The following MLIP variants were observed in gnomAD, a reference collection of about 807,000 sequenced individuals.
MLIP encodes muscular LMNA interacting protein.
MLIP carries 79 observed loss-of-function variants against 84.8 expected under a neutral mutation model. That is an observed-to-expected ratio of 0.93 (90% CI 0.78 to 1.12). The LOEUF is 1.12. Among genes scored for constraint, MLIP ranks in the 50% most tolerant of loss-of-function variants. The pLI is 0.00. For synonymous variants in MLIP, 504 were observed against 463.0 expected, an observed-to-expected ratio of 1.09 and a Z score of -1.14; for missense variants, 1,257 against 1,160.6, an observed-to-expected ratio of 1.08 and a Z score of -1.21.
chr6:54,147,518 G>A (rs750614726), intron 4 of MLIP, among the ~76,000 whole-genome samples: 1 of 152,128 alleles, frequency 6.6e-6, no homozygotes, highest in Non-Finnish European at 1.5e-5. Flanking sequence ...AGATGGGAGT[G>A]TAGGTTCCTT....
At chr6:54,252,476 A>T (rs1483742017) in intron 12 of MLIP, among the ~76,000 whole-genome samples, 2 of 139,236 alleles carry the variant, frequency 1.4e-5, no homozygotes, top group Non-Finnish European at 3.0e-5. Flanking sequence ...ATATAAATAT[A>T]ATATATTATA....
In MLIP at chr6:54,068,880, G is replaced by A. The variant is rs1766338836; in HGVS notation, c.63+49789G>A. 2.0e-5 allele frequency among the ~76,000 whole-genome samples: 2 copies of A among 100,680 alleles called. 1 individual carries two copies. The highest frequency in any genetic ancestry group is 5.7e-5 in the Non-Finnish European group (2 of 34,948). 66.0% of individuals were successfully genotyped at this position (100,680 alleles called of 152,430 possible). On this transcript the variant is annotated intron_variant, in intron 1 of 12. Transcript: ENST00000274897. ...TGGATCTGGCTTTTTCCAGAGCTCTGCTACCCTCCACTGTCTATGTCTGTG... is the reference window on the plus strand; with the variant it reads ...TGGATCTGGCTTTTTCCAGAGCTCTACTACCCTCCACTGTCTATGTCTGTG...
At chr6:54,098,236 G>GCCTTGGA (rs1279859369) in intron 1 of MLIP, among the ~76,000 whole-genome samples, 1 of 148,330 alleles carries the variant, frequency 6.7e-6, no homozygotes, top group East Asian at 2.0e-4. Flanking sequence ...GCTCACTGCA[G>GCCTTGGA]CCTTGGACTT....
chr6:54,195,782 A>G (rs1164661580), intron 10 of MLIP, among the ~76,000 whole-genome samples: 1 of 152,106 alleles, frequency 6.6e-6, no homozygotes, highest in Non-Finnish European at 1.5e-5. Context: ...TAATGTTAGC[A>G]TCAGATATAA....
At chr6:54,094,305 A>G (rs912306244) in intron 1 of MLIP, among the ~76,000 whole-genome samples, 2 of 151,962 alleles carry the variant, frequency 1.3e-5, no homozygotes, top group African/African-American at 4.8e-5. Flanking sequence ...GAAGCTCTAC[A>G]TATTGAGGCT....
At chr6:54,198,704 T>A (rs1314405670) in intron 10 of MLIP, among the ~76,000 whole-genome samples, 2 of 152,190 alleles carry the variant, frequency 1.3e-5, no homozygotes, top group Admixed American at 6.6e-5. Flanking sequence ...GTAATACAGT[T>A]TATTAACAAC....
At chr6:54,126,842 T>G (rs752998937) in intron 3 of MLIP, among the ~76,000 whole-genome samples, 2 of 151,964 alleles carry the variant, frequency 1.3e-5, no homozygotes, top group Non-Finnish European at 2.9e-5. Flanking sequence ...AATGAATCCA[T>G]ATATAGAATT....
intron 11 of MLIP, among the ~76,000 whole-genome samples, chr6:54,211,215 GACTCT>G: frequency 6.6e-6 from 1 of 152,284 alleles, no homozygotes; most frequent in Non-Finnish European, 1.5e-5. Context: ...AACAGAGTGA[GACTCT>G]GTACCGAAAA....
chr6:54,091,847 A>G (rs1285278726), intron 1 of MLIP, among the ~76,000 whole-genome samples: 3 of 152,102 alleles, frequency 2.0e-5, no homozygotes, highest in Non-Finnish European at 4.4e-5. Flanking sequence ...ATTCTTATTT[A>G]CTGTCTCACT....
intron 11 of MLIP, among the ~76,000 whole-genome samples, chr6:54,228,241 G>A (rs1292949597): frequency 1.4e-5 from 2 of 145,908 alleles, no homozygotes; most frequent in East Asian, 2.0e-4. Context: ...ACAGGAGATC[G>A]AACATAGGAG....
chr6:54,070,358 T>C (rs1402214823), intron 1 of MLIP, among the ~76,000 whole-genome samples: 1 of 152,218 alleles, frequency 6.6e-6, no homozygotes, highest in Non-Finnish European at 1.5e-5. Context: ...ATGTCCCAGA[T>C]AATGGATTGG....
chr6:54,173,709 T>C (rs1582388222), intron 9 of MLIP, among the ~76,000 whole-genome samples: 1 of 152,052 alleles, frequency 6.6e-6, no homozygotes, highest in East Asian at 1.9e-4. Context: ...CAAGCTTTTA[T>C]CCTTTATGTT....
intron 1 of MLIP, among the ~76,000 whole-genome samples, chr6:54,081,793 C>T (rs1272137764): frequency 1.3e-5 from 2 of 152,074 alleles, no homozygotes; most frequent in Non-Finnish European, 2.9e-5. Flanking sequence ...GATTACTCAC[C>T]TTCATTTTAT....
intron 1 of MLIP, among the ~76,000 whole-genome samples, chr6:54,098,330 CT>C (rs11418224): frequency 7.7e-5 from 9 of 116,256 alleles, no homozygotes; most frequent in Non-Finnish European, 8.3e-5. Flanking sequence ...TTTTTAATTT[CT>C]TTTTTTTTTT....
At chr6:54,043,618 GC>G (rs933182846) in intron 1 of MLIP, among the ~76,000 whole-genome samples, 25 of 152,192 alleles carry the variant, frequency 1.6e-4, no homozygotes, top group Admixed American at 1.6e-3. Flanking sequence ...GAATCAGCCT[GC>G]TCAGAATTAA....
intron 2 of MLIP, 108 bp from the exon 3 acceptor site, chr6:54,124,365 A>T: frequency 9.9e-7 from 1 of 1,006,584 alleles, no homozygotes; most frequent in Non-Finnish European, 1.4e-6. Flanking sequence ...AACCTAATTT[A>T]ATATATTTTT....
At chr6:54,169,201 G>T (rs1775514633) in intron 8 of MLIP, among the ~76,000 whole-genome samples, 2 of 151,568 alleles carry the variant, frequency 1.3e-5, no homozygotes, top group South Asian at 4.1e-4. Flanking sequence ...TAATTGAGGA[G>T]CTCAAAAAAT....
intron 11 of MLIP, among the ~76,000 whole-genome samples, chr6:54,219,150 G>T (rs948813842): frequency 6.6e-6 from 1 of 151,676 alleles, no homozygotes; most frequent in African/African-American, 2.4e-5. Context: ...AGCTTGTAGT[G>T]AGCCGAGATC....
At chr6:54,236,930 C>A (rs550823026) in intron 12 of MLIP, among the ~76,000 whole-genome samples, 1 of 152,086 alleles carries the variant, frequency 6.6e-6, no homozygotes, top group East Asian at 1.9e-4. Context: ...GAAAATGTAA[C>A]CAGAGACTTG....
Sources: gnomAD v4.1 joint callset for allele counts (sites outside exome capture counted in the v4.1 genomes callset) on GRCh38, gnomAD v4.1.1 for gene constraint, MANE v1.5 for transcripts, NCBI Gene and HGNC (gene_info 2026-07-23, HGNC 2026-07-21) for gene names.